The following GALNT17 variants were observed in gnomAD, a reference collection of about 807,000 sequenced individuals.
GALNT17 encodes polypeptide N-acetylgalactosaminyltransferase 17.
A neutral mutation model predicts 63.7 loss-of-function variants in GALNT17; 29 were observed. The ratio of observed to expected loss-of-function variants is 0.46; its 90% CI spans 0.34 to 0.62. The LOEUF (loss-of-function observed/expected upper bound fraction) is 0.62. GALNT17 is among the 20% of genes least tolerant of loss of function. The pLI, the probability that GALNT17 is intolerant of heterozygous loss-of-function variation, is 0.01. For missense variants in GALNT17, 603 were observed against 799.6 expected (o/e 0.75, Z 2.97); for synonymous variants, 305 against 318.3 (o/e 0.96, Z 0.45).
intron 1 of GALNT17, among the ~76,000 whole-genome samples, chr7:71,280,025 CATCTTTT>C (rs1303950058): frequency 6.6e-6 from 1 of 151,988 alleles, no homozygotes; most frequent in Non-Finnish European, 1.5e-5. Flanking sequence ...TATCTTGGGG[CATCTTTT>C]AATTTGTCTG....
rs1017477309 is a variant in GALNT17 at position 71,475,786 on chromosome 7, A to G, written c.962+54681A>G. 1.1e-4 allele frequency among the ~76,000 whole-genome samples: 16 copies of G among 152,344 alleles called. 3 individuals carry two copies. Among genetic ancestry groups the G allele is most frequent in the Admixed American group, 7.8e-4 (12 of 15,302 alleles). ...AAAGTTAATCAAAGATGCATACTCTATAGAAACAGGTATCCCCAGTGAGTC... is the reference window on the plus strand; with the variant it reads ...AAAGTTAATCAAAGATGCATACTCTGTAGAAACAGGTATCCCCAGTGAGTC... On this transcript the variant is annotated intron_variant, in intron 5 of 10. Transcript: ENST00000333538.
At chr7:71,333,056 T>C (rs1583868233) in intron 1 of GALNT17, among the ~76,000 whole-genome samples, 1 of 152,330 alleles carries the variant, frequency 6.6e-6, no homozygotes, top group East Asian at 1.9e-4. Context: ...TGTAGTATCT[T>C]CACAAATTTG....
At chr7:71,528,948 A>G (rs1268389170) in intron 5 of GALNT17, among the ~76,000 whole-genome samples, 1 of 152,134 alleles carries the variant, frequency 6.6e-6, no homozygotes, top group African/African-American at 2.4e-5. Context: ...CAACCTGGCC[A>G]ACATGGTGAA....
chr7:71,693,425 G>A (rs1287178603), intron 9 of GALNT17, among the ~76,000 whole-genome samples: 2 of 151,202 alleles, frequency 1.3e-5, no homozygotes, highest in African/African-American at 4.9e-5. Flanking sequence ...TGATAGACTG[G>A]ATTAAAAAAA....
At chr7:71,481,820 T>G (rs1787822768) in intron 5 of GALNT17, among the ~76,000 whole-genome samples, 1 of 152,018 alleles carries the variant, frequency 6.6e-6, no homozygotes, top group Non-Finnish European at 1.5e-5. Context: ...ACAAGTTTCA[T>G]TCGTACTCCT....
intron 6 of GALNT17, among the ~76,000 whole-genome samples, chr7:71,616,630 T>C (rs1455749196): frequency 6.9e-6 from 1 of 144,518 alleles, no homozygotes; most frequent in African/African-American, 2.5e-5. Flanking sequence ...TATATTTATA[T>C]GTAATATAAA....
rs1042525988 is a variant in GALNT17 at position 71,164,703 on chromosome 7, G to A, written c.238+31663G>A. 1.3e-5 allele frequency among the ~76,000 whole-genome samples: 2 copies of A among 152,192 alleles called. 1 individual carries two copies. Among genetic ancestry groups the A allele is most frequent in the South Asian group, 4.1e-4 (2 of 4,832 alleles). ...CAGTGTGGTAACCTGGTGAGTGTGT[G>A]TGTGTGCATGTGACAAGGTACTTAT... On this transcript the variant is annotated intron_variant, in intron 1 of 10. Coordinates refer to ENST00000333538, the MANE Select transcript of GALNT17 (RefSeq NM_022479.3).
chr7:71,281,981 G>T (rs1027738619), intron 1 of GALNT17, among the ~76,000 whole-genome samples: 1 of 152,154 alleles, frequency 6.6e-6, no homozygotes, highest in African/African-American at 2.4e-5. Flanking sequence ...CCAGGTCACA[G>T]GTTGCTTCTA....
At chr7:71,347,254 A>G (rs1792112534) in intron 2 of GALNT17, among the ~76,000 whole-genome samples, 1 of 152,212 alleles carries the variant, frequency 6.6e-6, no homozygotes, top group Non-Finnish European at 1.5e-5. Flanking sequence ...GCCTGGATTC[A>G]GAAATCTAAC....
chr7:71,464,431 C>T (rs904265730), intron 5 of GALNT17, among the ~76,000 whole-genome samples: 7 of 152,130 alleles, frequency 4.6e-5, no homozygotes, highest in African/African-American at 1.7e-4. Context: ...CAAGAACACG[C>T]TCCTGGTCCC....
At chr7:71,583,150 A>C (rs1789661443) in intron 6 of GALNT17, among the ~76,000 whole-genome samples, 1 of 152,166 alleles carries the variant, frequency 6.6e-6, no homozygotes, top group South Asian at 2.1e-4. Context: ...ACTGGAGTGC[A>C]GTAGCAGGAT....
At chr7:71,383,698 A>G (rs1186899294) in intron 2 of GALNT17, among the ~76,000 whole-genome samples, 1 of 152,140 alleles carries the variant, frequency 6.6e-6, no homozygotes, top group African/African-American at 2.4e-5. Context: ...CGTCCCAAGT[A>G]GTTAAGGCTA....
chr7:71,481,245 G>A (rs1249180311), intron 5 of GALNT17, among the ~76,000 whole-genome samples: 6 of 152,148 alleles, frequency 3.9e-5, no homozygotes, highest in African/African-American at 7.2e-5. Context: ...TCAGGAATTC[G>A]AGACCAGCCT....
At chr7:71,288,740 C>A (rs1444249187) in intron 1 of GALNT17, among the ~76,000 whole-genome samples, 1 of 151,972 alleles carries the variant, frequency 6.6e-6, no homozygotes, top group Non-Finnish European at 1.5e-5. Context: ...CCAGAGGGTC[C>A]CAGAACTGGG....
At chr7:71,538,102 G>A (rs1013718201) in intron 5 of GALNT17, among the ~76,000 whole-genome samples, 36 of 152,094 alleles carry the variant, frequency 2.4e-4, no homozygotes, top group Admixed American at 7.2e-4. Context: ...GCAGCCCTTC[G>A]GAAACTAATA....
At chr7:71,273,909 C>T (rs1790638181) in intron 1 of GALNT17, among the ~76,000 whole-genome samples, 1 of 151,978 alleles carries the variant, frequency 6.6e-6, no homozygotes, top group African/African-American at 2.4e-5. Flanking sequence ...GAATGTGAAT[C>T]ATAGGTTTCC....
intron 5 of GALNT17, among the ~76,000 whole-genome samples, chr7:71,422,551 T>G (rs1480698315): frequency 6.6e-6 from 1 of 152,212 alleles, no homozygotes; most frequent in Non-Finnish European, 1.5e-5. Context: ...GTGGCTTGCT[T>G]CTTCAGTGCC....
At chr7:71,653,569 C>T (rs1790783543) in intron 6 of GALNT17, among the ~76,000 whole-genome samples, 1 of 147,418 alleles carries the variant, frequency 6.8e-6, no homozygotes, top group African/African-American at 2.5e-5. Flanking sequence ...CCACACCTGG[C>T]TAATTTTTTG....
At chr7:71,433,047 T>C (rs945846451) in intron 5 of GALNT17, among the ~76,000 whole-genome samples, 3 of 152,174 alleles carry the variant, frequency 2.0e-5, no homozygotes, top group Non-Finnish European at 2.9e-5. Flanking sequence ...TCAGGTGATC[T>C]GCCCACCTTG....
Sources: allele counts gnomAD v4.1 joint callset (sites outside exome capture counted in the v4.1 genomes callset), GRCh38; gene constraint gnomAD v4.1.1; transcripts MANE v1.5; gene names NCBI Gene and HGNC (gene_info 2026-07-23, HGNC 2026-07-21).